Variants in RORA observed in about 807,000 individuals in gnomAD.
RORA encodes the protein RAR related orphan receptor A, also known as nuclear receptor ROR-alpha.
RORA carries 7 observed loss-of-function variants against 69.5 expected under a neutral mutation model. The observed-to-expected ratio is 0.10, with a 90% confidence interval of 0.06 to 0.19. The LOEUF is 0.19. RORA is among the 10% of genes least tolerant of loss of function. The pLI, the probability that RORA is intolerant of heterozygous loss-of-function variation, is 1.00. For synonymous variants in RORA, 261 were observed against 240.8 expected, an observed-to-expected ratio of 1.08 and a Z score of -0.78; for missense variants, 457 against 663.0, an observed-to-expected ratio of 0.69 and a Z score of 3.41.
At chr15:61,022,751 C>T (rs150151687) in intron 1 of RORA, among the ~76,000 whole-genome samples, 130 of 152,220 alleles carry the variant, frequency 8.5e-4, no homozygotes, top group African/African-American at 3.0e-3. Flanking sequence ...TAATTCTATT[C>T]TAAAACACGT....
chr15:60,856,188 TA>T (rs1374998866), intron 1 of RORA, among the ~76,000 whole-genome samples: 1 of 152,178 alleles, frequency 6.6e-6, no homozygotes, highest in Admixed American at 6.5e-5. Flanking sequence ...AAGGAAAAGT[TA>T]AAAGACAATG....
At chr15:60,876,469 G>C (rs2073617387) in intron 1 of RORA, among the ~76,000 whole-genome samples, 1 of 152,044 alleles carries the variant, frequency 6.6e-6, no homozygotes, top group East Asian at 1.9e-4. Flanking sequence ...TGTTCTCTTT[G>C]GAAATCCTGG....
At chr15:60,820,442 C>T (rs543698787) in intron 1 of RORA, among the ~76,000 whole-genome samples, 73 of 152,062 alleles carry the variant, frequency 4.8e-4, no homozygotes, top group South Asian at 1.0e-3. Flanking sequence ...AACGGACAGA[C>T]CCTTGATTAA....
At chr15:61,156,271 G>A (rs987154301) in intron 1 of RORA, among the ~76,000 whole-genome samples, 1 of 152,156 alleles carries the variant, frequency 6.6e-6, no homozygotes, top group Non-Finnish European at 1.5e-5. Context: ...TGCCATTTTA[G>A]TATGATTCTA....
chr15:60,836,161 G>GT (rs549936128), intron 1 of RORA, among the ~76,000 whole-genome samples: 31 of 152,202 alleles, frequency 2.0e-4, no homozygotes, highest in Non-Finnish European at 3.5e-4. Flanking sequence ...GTGGTGTACC[G>GT]TTAGTCAGCA....
At chr15:60,612,601 T>C (rs1470161164) in intron 2 of RORA, among the ~76,000 whole-genome samples, 3 of 151,346 alleles carry the variant, frequency 2.0e-5, no homozygotes, top group Non-Finnish European at 4.4e-5. Flanking sequence ...CCTGCTGTCA[T>C]ACGGAAGCTG....
chr15:60,885,664 G>A (rs928252400), intron 1 of RORA, among the ~76,000 whole-genome samples: 11 of 152,172 alleles, frequency 7.2e-5, no homozygotes, highest in Admixed American at 7.2e-4. Context: ...TAGATTGATC[G>A]ACAGAACACA....
At chr15:61,115,500 G>C (rs2140797879) in intron 1 of RORA, among the ~76,000 whole-genome samples, 1 of 152,312 alleles carries the variant, frequency 6.6e-6, no homozygotes, top group African/African-American at 2.4e-5. Flanking sequence ...GGAAAGCCAA[G>C]AGCACATTTT....
At chr15:61,068,332 T>C (rs1383129660) in intron 1 of RORA, among the ~76,000 whole-genome samples, 1 of 152,262 alleles carries the variant, frequency 6.6e-6, no homozygotes, top group African/African-American at 2.4e-5. Context: ...GCACTGTCTA[T>C]AGTTCTCCAT....
At chr15:61,067,136 G>C (rs2078274389) in intron 1 of RORA, among the ~76,000 whole-genome samples, 1 of 145,980 alleles carries the variant, frequency 6.9e-6, no homozygotes, top group Non-Finnish European at 1.5e-5. Flanking sequence ...TTTTGAGACA[G>C]AGTCTCACTC....
chr15:60,511,196 G>A lies in RORA; in HGVS notation c.820+30C>T. ...TTTTACTTCAAAGGGCATGAATAGA[G>A]CATCCCAGGAGAAGCATGCATGCCA... is the stretch of plus-strand genomic sequence containing the variant. On this transcript the variant is annotated intron_variant, in intron 5 of 10. Transcript: ENST00000335670. This position sits in a 1 kb window ranked among gnomAD's most constrained non-coding sequence, Gnocchi z 6.4. 1 of 1,588,074 alleles carries A rather than the reference G, an allele frequency of 6.3e-7. No homozygotes were observed.
chr15:60,689,521 T>C (rs756044633), intron 1 of RORA, among the ~76,000 whole-genome samples: 1 of 152,166 alleles, frequency 6.6e-6, no homozygotes, highest in Non-Finnish European at 1.5e-5. Flanking sequence ...ACGGGTTGAG[T>C]TGCATCCCCC....
At chr15:60,892,247 T>G (rs887171180) in intron 1 of RORA, among the ~76,000 whole-genome samples, 1 of 152,178 alleles carries the variant, frequency 6.6e-6, no homozygotes, top group African/African-American at 2.4e-5. Flanking sequence ...AACAGCACAC[T>G]CAGATGGGAA....
At chr15:60,924,973 G>A (rs764668066) in intron 1 of RORA, among the ~76,000 whole-genome samples, 8 of 152,082 alleles carry the variant, frequency 5.3e-5, no homozygotes, top group Non-Finnish European at 1.0e-4. Context: ...CAGCTACTTG[G>A]GAGGCTGAAG....
At chr15:61,145,489 T>C (rs2079338130) in intron 1 of RORA, among the ~76,000 whole-genome samples, 1 of 152,210 alleles carries the variant, frequency 6.6e-6, no homozygotes. Context: ...TATTTTCCTT[T>C]TGGCTTCCAA....
chr15:60,499,818 A>T, intron 10 of RORA, 74 bp downstream of exon 10: 1 of 791,854 alleles, frequency 1.3e-6, no homozygotes, highest in East Asian at 2.6e-5. Flanking sequence ...TATGACTTAC[A>T]TGACCATATT....
chr15:61,028,804 G>T (rs1285099220), intron 1 of RORA, among the ~76,000 whole-genome samples: 2 of 152,150 alleles, frequency 1.3e-5, no homozygotes, highest in African/African-American at 4.8e-5. Flanking sequence ...ATCATAAAAA[G>T]AAATGAAGTA....
chr15:60,962,011 T>C (rs751402158), intron 1 of RORA, among the ~76,000 whole-genome samples: 3 of 152,226 alleles, frequency 2.0e-5, no homozygotes, highest in African/African-American at 7.2e-5. Flanking sequence ...TGTTGGAACA[T>C]TGAAAGGTGC....
intron 1 of RORA, among the ~76,000 whole-genome samples, chr15:61,029,308 G>GA (rs1337599659): frequency 2.0e-5 from 3 of 151,848 alleles, no homozygotes; most frequent in Admixed American, 1.3e-4. Flanking sequence ...TGGAAAGACA[G>GA]AAAAAAAAGG....
Sources: allele counts gnomAD v4.1 joint callset (sites outside exome capture counted in the v4.1 genomes callset), GRCh38; gene constraint gnomAD v4.1.1; non-coding constraint Gnocchi (gnomAD v3.1); transcripts MANE v1.5; gene names NCBI Gene and HGNC (gene_info 2026-07-23, HGNC 2026-07-21).